LRP1B: variants seen among roughly 807,000 people sequenced by gnomAD.
LRP1B encodes the protein LDL receptor related protein 1B.
Under a neutral mutation model 556.6 loss-of-function variants are expected in LRP1B, and 217 were observed. That is an observed-to-expected ratio of 0.39 (90% confidence interval 0.35 to 0.44). The LOEUF (loss-of-function observed/expected upper bound fraction) is 0.44. Among genes scored for constraint, LRP1B ranks in the 20% least tolerant of loss-of-function variants. The probability of loss-of-function intolerance (pLI) is 1.00; values close to 1 mark genes in which losing one functional copy is unlikely to be tolerated. For missense variants in LRP1B, 5,053 were observed against 5,620.8 expected, an observed-to-expected ratio of 0.90 and a Z score of 3.23; for synonymous variants, 2,047 against 1,865.8, an observed-to-expected ratio of 1.10 and a Z score of -2.50.
At chr2:140,776,880 A>C (rs1689519155) in intron 32 of LRP1B, among the ~76,000 whole-genome samples, 2 of 152,070 alleles carry the variant, frequency 1.3e-5, no homozygotes, top group Admixed American at 6.6e-5. Context: ...AAAAAAATAG[A>C]GATCTCCCCC....
intron 1 of LRP1B, among the ~76,000 whole-genome samples, chr2:141,822,418 C>T (rs1242959576): frequency 6.6e-6 from 1 of 152,138 alleles, no homozygotes. Flanking sequence ...AGTTTGACAT[C>T]TCCCTCGTAA....
chr2:141,191,221 T>C (rs183176430), intron 6 of LRP1B, among the ~76,000 whole-genome samples: 5 of 152,128 alleles, frequency 3.3e-5, no homozygotes, highest in African/African-American at 1.2e-4. Flanking sequence ...CTGTGTCACA[T>C]AAAATTTATA....
At chr2:141,428,679 A>G (rs1017679753) in intron 3 of LRP1B, among the ~76,000 whole-genome samples, 4 of 152,180 alleles carry the variant, frequency 2.6e-5, no homozygotes, top group Non-Finnish European at 5.9e-5. Flanking sequence ...TGTTCTATAT[A>G]AAGAGACAAA....
intron 41 of LRP1B, among the ~76,000 whole-genome samples, chr2:140,657,673 AT>A (rs1402798992): frequency 7.6e-6 from 1 of 130,846 alleles, no homozygotes; most frequent in African/African-American, 2.9e-5. Context: ...ATACATACAT[AT>A]ATATATAAAT....
rs150102150 is a variant in LRP1B at position 141,721,887 on chromosome 2, A to T, written c.205+88392T>A. On this transcript the variant is annotated intron_variant, in intron 2 of 90. Transcript: ENST00000389484. ...TCCAGACCATTAAAACGACCAAACC[A>T]GACCTTTTATTCCCTGATCCAGCAG... Among the ~76,000 whole-genome samples, 12 of 152,294 alleles carry T rather than the reference A, an allele frequency of 7.9e-5. No individual in the cohort carries two copies. In the East Asian group the frequency reaches 2.3e-3, roughly 29 times the overall value.
intron 1 of LRP1B, among the ~76,000 whole-genome samples, chr2:142,048,919 T>C (rs761183416): frequency 9.9e-5 from 15 of 152,114 alleles, no homozygotes; most frequent in Non-Finnish European, 1.9e-4. Flanking sequence ...AAATAAAATG[T>C]TTAATTTAAC....
At chr2:141,545,127 T>A (rs1353335796) in intron 2 of LRP1B, among the ~76,000 whole-genome samples, 1 of 152,216 alleles carries the variant, frequency 6.6e-6, no homozygotes, top group East Asian at 1.9e-4. Context: ...AGAAGAAGCA[T>A]GTTTGCATTA....
chr2:142,046,023 A>G (rs1159449925), intron 1 of LRP1B, among the ~76,000 whole-genome samples: 1 of 151,956 alleles, frequency 6.6e-6, no homozygotes, highest in Non-Finnish European at 1.5e-5. Flanking sequence ...GAATTTCACA[A>G]ATTAATTCTT....
intron 3 of LRP1B, among the ~76,000 whole-genome samples, chr2:141,441,218 A>G (rs1220848567): frequency 2.0e-5 from 3 of 152,126 alleles, no homozygotes; most frequent in Non-Finnish European, 4.4e-5. Context: ...CTGGGATTAC[A>G]GGTGCCTGCC....
At chr2:140,850,069 C>G (rs538909790) in intron 29 of LRP1B, 33 bp downstream of exon 29, 1 of 1,341,808 alleles carries the variant, frequency 7.5e-7, no homozygotes, top group African/African-American at 1.5e-5. Flanking sequence ...ATAACAAACA[C>G]TTTTAAAGTT....
chr2:141,356,936 C>A (rs896645208), intron 3 of LRP1B, among the ~76,000 whole-genome samples: 3 of 152,156 alleles, frequency 2.0e-5, no homozygotes, highest in Admixed American at 6.5e-5. Context: ...TTTCACCAGC[C>A]TCCCTTTCAT....
intron 6 of LRP1B, among the ~76,000 whole-genome samples, chr2:141,189,069 G>GA (rs1304385701): frequency 9.9e-5 from 15 of 151,964 alleles, no homozygotes; most frequent in African/African-American, 2.9e-4. Context: ...TCCTTTGTTT[G>GA]AAAAAATATC....
Position 141,717,515 on chromosome 2 carries a change from T to G in LRP1B, c.205+92764A>C, listed in dbSNP as rs542487022. On this transcript the variant is annotated intron_variant, in intron 2 of 90. Transcript: ENST00000389484. Reference sequence around the variant, plus strand: ...ACCTTGGCTTGCCAATATAACTCAATGCATCTTTAATGGAAACAACAGTTA... The same window carrying G: ...ACCTTGGCTTGCCAATATAACTCAAGGCATCTTTAATGGAAACAACAGTTA... Among the ~76,000 whole-genome samples the G allele has an allele frequency of 2.6e-5, 4 of 152,296 alleles. No homozygotes were observed. The East Asian group carries it at 7.7e-4, about 29-fold the overall frequency.
intron 2 of LRP1B, among the ~76,000 whole-genome samples, chr2:141,614,918 C>T (rs1688240101): frequency 6.6e-6 from 1 of 152,186 alleles, no homozygotes; most frequent in South Asian, 2.1e-4. Context: ...CTGGAACACA[C>T]TGCATCCTGG....
chr2:142,111,253 T>C (rs1706979655), intron 1 of LRP1B, among the ~76,000 whole-genome samples: 1 of 152,114 alleles, frequency 6.6e-6, no homozygotes, highest in Non-Finnish European at 1.5e-5. Flanking sequence ...TTTGAGCTTT[T>C]TTGCAAAGAG....
intron 11 of LRP1B, among the ~76,000 whole-genome samples, chr2:141,033,406 CT>C (rs1698436360): frequency 6.6e-6 from 1 of 152,008 alleles, no homozygotes; most frequent in Non-Finnish European, 1.5e-5. Flanking sequence ...ATTTAAAAAA[CT>C]ACTCAGGCTG....
intron 20 of LRP1B, among the ~76,000 whole-genome samples, chr2:140,941,744 G>T (rs1695409792): frequency 6.6e-6 from 1 of 152,078 alleles, no homozygotes; most frequent in Non-Finnish European, 1.5e-5. Flanking sequence ...CAACATACAT[G>T]TAAGTTAAAC....
intron 3 of LRP1B, among the ~76,000 whole-genome samples, chr2:141,267,065 A>C (rs1684917199): frequency 6.6e-6 from 1 of 152,244 alleles, no homozygotes; most frequent in African/African-American, 2.4e-5. Context: ...ATTTAAACAC[A>C]GTAATTCAGT....
At chr2:141,234,486 C>A (rs1683582684) in intron 5 of LRP1B, among the ~76,000 whole-genome samples, 1 of 152,100 alleles carries the variant, frequency 6.6e-6, no homozygotes, top group Non-Finnish European at 1.5e-5. Context: ...AAGCGATTCT[C>A]CTGCTTCAGT....
Sources: allele counts gnomAD v4.1 joint callset (sites outside exome capture counted in the v4.1 genomes callset), GRCh38; gene constraint gnomAD v4.1.1; transcripts MANE v1.5; gene names NCBI Gene and HGNC (gene_info 2026-07-23, HGNC 2026-07-21).